SOX6: variants seen among roughly 807,000 people sequenced by gnomAD.
SOX6 encodes transcription factor SOX-6.
Under a neutral mutation model 97.8 loss-of-function variants are expected in SOX6, and 11 were observed. That is an observed-to-expected ratio of 0.11 (90% confidence interval 0.07 to 0.19). The LOEUF (loss-of-function observed/expected upper bound fraction) is 0.19, where lower values mean the gene tolerates loss of function less well. Among genes scored for constraint, SOX6 ranks in the 10% least tolerant of loss-of-function variants. The pLI is 1.00. For synonymous variants in SOX6, 360 were observed against 371.4 expected, an observed-to-expected ratio of 0.97 and a Z score of 0.35; for missense variants, 810 against 1,039.5, an observed-to-expected ratio of 0.78 and a Z score of 3.04.
Position 16,245,887 on chromosome 11 carries a change from T to C in SOX6, c.446-11216A>G, listed in dbSNP as rs558220189. Among the ~76,000 whole-genome samples, 7 of 151,500 alleles carry C rather than the reference T, an allele frequency of 4.6e-5. No individual in the cohort carries two copies. The East Asian group carries it at 1.4e-3, about 30-fold the overall frequency. ...GTTTTTTGTTAATCCAATCTGATAA[T>C]CTCTGCCTTTTAAAAATTAGTATAA... On this transcript the variant is annotated intron_variant, in intron 3 of 15. Transcript: ENST00000683767.
rs566507054 is a variant in SOX6 at position 16,075,293 on chromosome 11, T to C, written c.1102-19392A>G. Among the ~76,000 whole-genome samples, 8 of 152,288 alleles carry C rather than the reference T, an allele frequency of 5.3e-5. No individual in the cohort carries two copies. The South Asian group carries it at 1.7e-3, about 32-fold the overall frequency. On this transcript the variant is annotated intron_variant, in intron 9 of 15. Transcript: ENST00000683767. ...CATGGCTTGGGAGACCTCACAATCA[T>C]GGTGGACAGCAAAGGAGGAGCAAAG... is the stretch of plus-strand genomic sequence containing the variant.
intron 1 of SOX6, among the ~76,000 whole-genome samples, chr11:16,473,394 T>TA (rs1231357933): frequency 6.6e-6 from 1 of 152,170 alleles, no homozygotes; most frequent in Admixed American, 6.5e-5. Flanking sequence ...ATACCTCAAT[T>TA]AAAAATACTT....
In SOX6 at chr11:16,578,822, T is replaced by C. The variant is rs192879889; in HGVS notation, n.609+33259A>G. On this transcript the variant is annotated intron_variant and non_coding_transcript_variant, in intron 4 of 5. Coordinates refer to the SOX6 transcript ENST00000524520. Reference sequence around the variant, plus strand: ...TGAGAGATCCTAAGCAGTGAGGAATTACAGCATGAGTAGCAAGGCACCAGA... The same window carrying C: ...TGAGAGATCCTAAGCAGTGAGGAATCACAGCATGAGTAGCAAGGCACCAGA... Among the ~76,000 whole-genome samples, 8 of 152,220 alleles carry C rather than the reference T, an allele frequency of 5.3e-5. No individual in the cohort carries two copies. In the East Asian group the frequency reaches 1.5e-3, roughly 29 times the overall value.
intron 1 of SOX6, among the ~76,000 whole-genome samples, chr11:16,420,131 A>C (rs1463579595): frequency 1.3e-5 from 2 of 152,218 alleles, no homozygotes; most frequent in African/African-American, 4.8e-5. Flanking sequence ...CTCTTGCTCC[A>C]GTGAAAAATT....
At chr11:16,637,580 A>G (rs1848809436) in intron 3 of SOX6, among the ~76,000 whole-genome samples, 1 of 152,236 alleles carries the variant, frequency 6.6e-6, no homozygotes, top group Non-Finnish European at 1.5e-5. Flanking sequence ...TGCTTTAGTT[A>G]GATCCCAAAA....
chr11:16,464,904 C>A (rs182970835), intron 1 of SOX6, among the ~76,000 whole-genome samples: 71 of 152,258 alleles, frequency 4.7e-4, no homozygotes, highest in Middle Eastern at 6.8e-3. Context: ...AACTGTAGAA[C>A]TCCTTTTACA....
In SOX6 at chr11:16,069,557, T is replaced by G. The variant is rs145834906; in HGVS notation, c.1102-13656A>C. ...TAATTTAGGTTGTAGAATTTTATTT[T>G]AATATTTGTTTTAAAATGTACATAT... On this transcript the variant is annotated intron_variant, in intron 9 of 15. Coordinates refer to ENST00000683767, the MANE Select transcript of SOX6 (RefSeq NM_001367873.1). Among the ~76,000 whole-genome samples, 226 of 152,360 alleles carry G rather than the reference T, an allele frequency of 1.5e-3. 1 individual carries two copies. Among genetic ancestry groups the G allele is most frequent in the African/African-American group, 5.2e-3 (215 of 41,588 alleles).
chr11:16,284,616 C>A (rs569261801), intron 3 of SOX6, among the ~76,000 whole-genome samples: 1 of 152,094 alleles, frequency 6.6e-6, no homozygotes, highest in Non-Finnish European at 1.5e-5. Flanking sequence ...TAAACAAACA[C>A]GGTGCCCTTC....
intron 3 of SOX6, among the ~76,000 whole-genome samples, chr11:16,700,010 G>A (rs1000556305): frequency 6.6e-6 from 1 of 151,628 alleles, no homozygotes; most frequent in African/African-American, 2.4e-5. Flanking sequence ...CTAGTGTGTG[G>A]GAAGCCATTT....
chr11:16,189,259 C>T (rs572188736), intron 4 of SOX6, among the ~76,000 whole-genome samples: 16 of 152,106 alleles, frequency 1.1e-4, no homozygotes, highest in South Asian at 2.1e-4. Context: ...GTTAACTAGA[C>T]GAAGAGTTGG....
chr11:16,363,318 A>G (rs978651114), intron 1 of SOX6, among the ~76,000 whole-genome samples: 13 of 152,178 alleles, frequency 8.5e-5, no homozygotes, highest in Non-Finnish European at 1.9e-4. Flanking sequence ...TAATCTGAAA[A>G]TGCTCCAGAA....
At chr11:16,091,485 A>G (rs1184133674) in intron 9 of SOX6, among the ~76,000 whole-genome samples, 1 of 152,094 alleles carries the variant, frequency 6.6e-6, no homozygotes, top group Non-Finnish European at 1.5e-5. Flanking sequence ...GAGCCTCTAA[A>G]TACAACATCA....
At position 16,300,018 on chromosome 11, in the gene SOX6, G is replaced by A. The variant is rs1855210882; in HGVS notation, c.445+18428C>T. On this transcript the variant is annotated intron_variant, in intron 3 of 15. Transcript: ENST00000683767. This position sits in a 1 kb window ranked among gnomAD's most constrained non-coding sequence, Gnocchi z 4.1. ...TGAGGAATAAGCTTAATAATTTTAT[G>A]TTGTTTACACTGGAGGCAGTTTTCC... Among the ~76,000 whole-genome samples, 1 of 152,128 alleles carries A rather than the reference G, an allele frequency of 6.6e-6. No homozygotes were observed. The highest frequency in any genetic ancestry group is 2.4e-5 in the African/African-American group (1 of 41,440).
At chr11:16,348,121 A>G (rs1016591835) in intron 1 of SOX6, among the ~76,000 whole-genome samples, 6 of 152,138 alleles carry the variant, frequency 3.9e-5, no homozygotes, top group African/African-American at 1.2e-4. Context: ...GTTCATTTTC[A>G]GTTTGTCTAC....
intron 1 of SOX6, among the ~76,000 whole-genome samples, chr11:16,355,862 C>T (rs1857058873): frequency 1.3e-5 from 2 of 151,970 alleles, no homozygotes; most frequent in African/African-American, 4.8e-5. Context: ...TATGCATATT[C>T]AACCCTCAGG....
Position 16,097,631 on chromosome 11 carries a change from C to A in SOX6, c.956G>T (p.Gly319Val). 1.2e-6 allele frequency: 2 copies of A among 1,611,070 alleles called. No homozygotes were observed. The highest frequency in any genetic ancestry group is 1.7e-6 in the Non-Finnish European group (2 of 1,177,990). The change falls in exon 8 of 16, where the codon GGA (glycine) becomes GTA (valine). Residue 319 changes from glycine to valine, a missense_variant. Physicochemically the swap from Gly to Val is moderately radical, Grantham distance 109. This residue lies in a region of SOX6 where 244 missense variants were observed against 261.0 expected (regional missense o/e 0.93). Transcript: ENST00000683767. ...TACCTGGAGCTGTAAAGGGCTGAGT[C>A]CAGAAGCAGCAGCAGCTGCCATTGT... Reference protein sequence around the residue: ...PSTMAAAAASGLSPLQLQKGH... With the variant: ...PSTMAAAAASVLSPLQLQKGH...
chr11:16,331,619 A>G (rs1856303862), intron 2 of SOX6, among the ~76,000 whole-genome samples: 1 of 151,928 alleles, frequency 6.6e-6, no homozygotes. Flanking sequence ...TCTCTTGTTT[A>G]AGTTCTTACA....
chr11:16,466,513 A>G (rs1860035127), intron 1 of SOX6, among the ~76,000 whole-genome samples: 1 of 152,182 alleles, frequency 6.6e-6, no homozygotes, highest in Non-Finnish European at 1.5e-5. Context: ...AACAAAAGAA[A>G]CTATCGACAG....
At chr11:16,514,177 C>G (rs559109318) in intron 4 of SOX6, among the ~76,000 whole-genome samples, 1 of 148,568 alleles carries the variant, frequency 6.7e-6, no homozygotes, top group South Asian at 2.1e-4. Context: ...GATCATAACA[C>G]TGCCCTCCAG....
Sources: gnomAD v4.1 joint callset for allele counts (sites outside exome capture counted in the v4.1 genomes callset) on GRCh38, gnomAD v4.1.1 for gene constraint, gnomAD v4.1.1 regional missense constraint, Gnocchi (gnomAD v3.1) non-coding constraint, MANE v1.5 for transcripts, NCBI Gene and HGNC (gene_info 2026-07-23, HGNC 2026-07-21) for gene names.